Variants in BTBD9 observed in about 807,000 individuals in gnomAD.
BTBD9 encodes BTB domain containing 9.
BTBD9 carries 49 observed loss-of-function variants against 64.3 expected under a neutral mutation model. That is an observed-to-expected ratio of 0.76 (90% CI 0.61 to 0.97). The LOEUF (loss-of-function observed/expected upper bound fraction) is 0.97. Among genes scored for constraint, BTBD9 ranks in the 50% least tolerant of loss-of-function variants. The probability of loss-of-function intolerance (pLI) is 0.00; values close to 1 mark genes in which losing one functional copy is unlikely to be tolerated. For missense variants in BTBD9, 598 were observed against 762.1 expected (o/e 0.78, Z 2.53); for synonymous variants, 260 against 274.7 (o/e 0.95, Z 0.53).
intron 8 of BTBD9, among the ~76,000 whole-genome samples, chr6:38,258,111 G>T (rs750912364): frequency 6.6e-6 from 1 of 151,704 alleles, no homozygotes; most frequent in Non-Finnish European, 1.5e-5. Context: ...TCACCCTCCC[G>T]AGTAGCTGGG....
intron 6 of BTBD9, among the ~76,000 whole-genome samples, chr6:38,533,114 A>T (rs1582589558): frequency 2.0e-5 from 3 of 152,126 alleles, no homozygotes; most frequent in African/African-American, 7.2e-5. Flanking sequence ...ATGGATTAAA[A>T]AATAATAATA....
intron 1 of BTBD9, among the ~76,000 whole-genome samples, chr6:38,598,948 G>A (rs893281002): frequency 5.9e-5 from 9 of 151,990 alleles, no homozygotes; most frequent in African/African-American, 2.2e-4. Flanking sequence ...TAATCTTCTG[G>A]AGTCACAAAA....
intron 6 of BTBD9, among the ~76,000 whole-genome samples, chr6:38,382,760 TAAG>T (rs750049522): frequency 1.1e-4 from 17 of 152,076 alleles, no homozygotes; most frequent in Non-Finnish European, 1.9e-4. Context: ...ATTAAAAAGA[TAAG>T]AAATTATAAA....
At chr6:38,303,710 A>G (rs371881879) in intron 7 of BTBD9, among the ~76,000 whole-genome samples, 3 of 151,538 alleles carry the variant, frequency 2.0e-5, no homozygotes, top group Admixed American at 6.6e-5. Flanking sequence ...ACTCTTTGGG[A>G]AAAAAAGGCT....
intron 6 of BTBD9, among the ~76,000 whole-genome samples, chr6:38,399,277 G>C (rs958987530): frequency 2.0e-5 from 3 of 152,036 alleles, no homozygotes; most frequent in African/African-American, 7.3e-5. Context: ...AGGATATCTG[G>C]AAGTAAATCT....
In BTBD9 at chr6:38,174,877, TG is replaced by T; in HGVS notation, c.*107del. ...TTTTGCAGCTAGGTCGGCTCCTCCC[TG>T]GAAAGGGGCAGAGGTGGGGGCAGTC... On this transcript the variant is annotated 3_prime_UTR_variant, in exon 11 of 11. Coordinates refer to ENST00000481247, the MANE Select transcript of BTBD9 (RefSeq NM_001099272.2). 1 of 1,360,892 alleles carries T rather than the reference TG, an allele frequency of 7.3e-7. No homozygotes were observed. Among genetic ancestry groups the T allele is most frequent in the Non-Finnish European group, 1.0e-6 (1 of 994,178 alleles). 84.3% of individuals were successfully genotyped at this position (1,360,892 alleles called of 1,614,324 possible). A position where few individuals can be genotyped will look rare whatever the true frequency, so the allele number is the denominator to read the frequency against.
intron 6 of BTBD9, among the ~76,000 whole-genome samples, chr6:38,455,977 C>CT (rs200062269): frequency 0.051 from 7,398 of 145,838 alleles, 331 homozygotes; most frequent in East Asian, 0.13. Context: ...GCACCTAGCC[C>CT]TTTTTTTTTT....
At chr6:38,281,850 A>C (rs766537674) in intron 8 of BTBD9, among the ~76,000 whole-genome samples, 27 of 152,240 alleles carry the variant, frequency 1.8e-4, no homozygotes, top group Non-Finnish European at 8.8e-5. Flanking sequence ...TATTTCACTT[A>C]CTCTATTGCA....
chr6:38,586,606 T>C (rs966550709), intron 4 of BTBD9, among the ~76,000 whole-genome samples: 1 of 152,198 alleles, frequency 6.6e-6, no homozygotes, highest in Non-Finnish European at 1.5e-5. Context: ...ATCCAGATTC[T>C]GAACAACAAC....
At chr6:38,263,924 G>GGAC (rs1764880586) in intron 8 of BTBD9, among the ~76,000 whole-genome samples, 1 of 152,228 alleles carries the variant, frequency 6.6e-6, no homozygotes, top group Admixed American at 6.5e-5. Context: ...TACGCAATAA[G>GGAC]AGTAGATGTT....
chr6:38,309,782 T>C (rs574435173), intron 7 of BTBD9, among the ~76,000 whole-genome samples: 163 of 152,012 alleles, frequency 1.1e-3, no homozygotes, highest in African/African-American at 3.8e-3. Context: ...TTTTTTAAGC[T>C]AGAGGCTGTA....
chr6:38,328,564 CGTGTGTGTGTGTGTGTGTGTGTGT>C (rs201357884), intron 7 of BTBD9, among the ~76,000 whole-genome samples: 1 of 130,406 alleles, frequency 7.7e-6, no homozygotes, highest in Non-Finnish European at 1.6e-5. Context: ...TTTAAGCCAC[CGTGTGTGTGTGTGTGTGTGTGTGT>C]GTGTGTGTGT....
chr6:38,456,016 C>T (rs919590535), intron 6 of BTBD9, among the ~76,000 whole-genome samples: 1 of 150,026 alleles, frequency 6.7e-6, no homozygotes, highest in Non-Finnish European at 1.5e-5. Flanking sequence ...CAGAGTCTTG[C>T]TCTGTAGCCC....
At chr6:38,243,424 A>G (rs891485033) in intron 9 of BTBD9, among the ~76,000 whole-genome samples, 1 of 151,386 alleles carries the variant, frequency 6.6e-6, no homozygotes, top group East Asian at 1.9e-4. Flanking sequence ...ACAGTGTTCT[A>G]GACTCTAGTA....
At chr6:38,335,089 T>A (rs1763842329) in intron 7 of BTBD9, among the ~76,000 whole-genome samples, 1 of 152,102 alleles carries the variant, frequency 6.6e-6, no homozygotes, top group Admixed American at 6.6e-5. Flanking sequence ...TCCCTCTCTC[T>A]CCTGCTGCCA....
At chr6:38,593,879 T>G in intron 3 of BTBD9, 85 bp downstream of exon 3, 1 of 1,216,608 alleles carries the variant, frequency 8.2e-7, no homozygotes, top group Non-Finnish European at 1.2e-6. Flanking sequence ...TTTTTTATTA[T>G]TCTTAGTCCA....
chr6:38,554,198 A>T (rs1245708666), intron 6 of BTBD9, among the ~76,000 whole-genome samples: 1 of 152,208 alleles, frequency 6.6e-6, no homozygotes, highest in Non-Finnish European at 1.5e-5. Flanking sequence ...GTCACACATC[A>T]TACTTTTGAG....
intron 1 of BTBD9, among the ~76,000 whole-genome samples, chr6:38,620,127 A>G (rs1285287750): frequency 2.0e-5 from 3 of 152,202 alleles, no homozygotes; most frequent in Non-Finnish European, 2.9e-5. Flanking sequence ...AGATATTTAA[A>G]AGTTCAAGGG....
chr6:38,586,433 C>T (rs1005487239), intron 4 of BTBD9, among the ~76,000 whole-genome samples: 1 of 149,090 alleles, frequency 6.7e-6, no homozygotes, highest in African/African-American at 2.5e-5. Flanking sequence ...GAAAAAAAAT[C>T]CCTGTAATTT....
Sources: allele counts gnomAD v4.1 joint callset (sites outside exome capture counted in the v4.1 genomes callset), GRCh38; gene constraint gnomAD v4.1.1; transcripts MANE v1.5; gene names NCBI Gene and HGNC (gene_info 2026-07-23, HGNC 2026-07-21).